Variants in ACVR1 observed in about 807,000 individuals in gnomAD.
ACVR1 encodes the protein activin A receptor type 1.
In ACVR1, 38 loss-of-function variants were observed where a neutral mutation model predicts 57.1. The ratio of observed to expected loss-of-function variants is 0.67; its 90% CI spans 0.51 to 0.87. The LOEUF (loss-of-function observed/expected upper bound fraction) is 0.87, where lower values mean the gene tolerates loss of function less well. Among genes scored for constraint, ACVR1 ranks in the 40% least tolerant of loss-of-function variants. ACVR1 has a pLI of 0.00. For missense variants in ACVR1, 463 were observed against 638.2 expected (o/e 0.73, Z 2.96); for synonymous variants, 212 against 228.1 (o/e 0.93, Z 0.63).
intron 1 of ACVR1, among the ~76,000 whole-genome samples, chr2:157,854,137 T>C (rs1019820949): frequency 6.7e-6 from 1 of 148,538 alleles, no homozygotes; most frequent in African/African-American, 2.5e-5. Context: ...GCCTAGCACA[T>C]AGTTAGTATT....
intron 3 of ACVR1, among the ~76,000 whole-genome samples, chr2:157,796,457 C>T (rs538616180): frequency 6.8e-4 from 103 of 151,868 alleles, no homozygotes; most frequent in African/African-American, 2.4e-3. Context: ...AGGAGGCTGA[C>T]GTAGGAGGAT....
Position 157,855,128 on chromosome 2 carries a change from C to T in ACVR1, c.-183+20668G>A, listed in dbSNP as rs747403609. Among the ~76,000 whole-genome samples, 31 of 151,200 alleles carry T rather than the reference C, an allele frequency of 2.1e-4. 1 individual carries two copies. Among genetic ancestry groups the T allele is most frequent in the Admixed American group, 1.4e-3 (22 of 15,196 alleles). ...TTTTAGCATTTTTCAAAAATGCCAA[C>T]GAACTGGCCAGGCACAGTGGCTGAC... is the stretch of plus-strand genomic sequence containing the variant. On this transcript the variant is annotated intron_variant, in intron 1 of 10. Transcript: ENST00000434821.
rs190408359 is a variant in ACVR1, at chr2:157,862,298, G to C, written c.-183+13498C>G. 5.3e-5 allele frequency among the ~76,000 whole-genome samples: 8 copies of C among 152,026 alleles called. No individual in the cohort carries two copies. The East Asian group carries it at 1.4e-3, about 26-fold the overall frequency. ...TATGAAAGGAATTATACTATGTTTT[G>C]AGTGTCCTGCTTTTTTCATGTAATA... is the stretch of plus-strand genomic sequence containing the variant. On this transcript the variant is annotated intron_variant, in intron 1 of 10. Coordinates refer to ENST00000434821, the MANE Select transcript of ACVR1 (RefSeq NM_001111067.4).
intron 1 of ACVR1, among the ~76,000 whole-genome samples, chr2:157,848,858 A>T (rs1385854500): frequency 2.0e-5 from 3 of 152,236 alleles, no homozygotes; most frequent in Non-Finnish European, 4.4e-5. Flanking sequence ...AGCAGCAATG[A>T]ACATGAGGGA....
In ACVR1 at chr2:157,763,977, T is replaced by C. The variant is rs565244184; in HGVS notation, c.1066+1944A>G. Among the ~76,000 whole-genome samples, 189 of 152,244 alleles carry C rather than the reference T, an allele frequency of 1.2e-3. 1 individual carries two copies. Among genetic ancestry groups the C allele is most frequent in the African/African-American group, 4.3e-3 (180 of 41,546 alleles). On this transcript the variant is annotated intron_variant, in intron 8 of 10. Transcript: ENST00000434821. ...TAATTAGCTGGACTTACTGCAAAGT[T>C]CCCCTCAACTCCTTCCCTACCAAGT...
intron 1 of ACVR1, among the ~76,000 whole-genome samples, chr2:157,844,952 C>T (rs922832407): frequency 3.3e-5 from 5 of 152,170 alleles, no homozygotes; most frequent in African/African-American, 9.6e-5. Context: ...CCTGCCCACA[C>T]CTTTATCTTT....
At chr2:157,830,722 C>T (rs1688551760) in intron 1 of ACVR1, among the ~76,000 whole-genome samples, 1 of 129,864 alleles carries the variant, frequency 7.7e-6, no homozygotes, top group South Asian at 2.8e-4. Flanking sequence ...AAGGGAGATG[C>T]TTTGTTTCAC....
intron 6 of ACVR1, among the ~76,000 whole-genome samples, chr2:157,772,163 G>A (rs191960117): frequency 7.3e-4 from 111 of 152,306 alleles, no homozygotes; most frequent in Non-Finnish European, 1.2e-3. Flanking sequence ...GTTTTCAAAT[G>A]CTTTTAAGTT....
intron 5 of ACVR1, among the ~76,000 whole-genome samples, chr2:157,775,317 A>G (rs1686239088): frequency 6.6e-6 from 1 of 152,230 alleles, no homozygotes; most frequent in Non-Finnish European, 1.5e-5. Flanking sequence ...TTCATTGATA[A>G]GGTTTTCCTT....
At chr2:157,759,229 GA>G (rs1685550954) in intron 9 of ACVR1, among the ~76,000 whole-genome samples, 1 of 151,902 alleles carries the variant, frequency 6.6e-6, no homozygotes. Context: ...AAAGAAAACT[GA>G]TAAACTGTTA....
intron 8 of ACVR1, among the ~76,000 whole-genome samples, chr2:157,762,595 G>A (rs1387450232): frequency 6.6e-6 from 1 of 152,170 alleles, no homozygotes; most frequent in Admixed American, 6.5e-5. Flanking sequence ...AGAACTTGTG[G>A]ACATATTTTA....
At chr2:157,770,292 C>T in intron 7 of ACVR1, 76 bp downstream of exon 7, 1 of 1,556,882 alleles carries the variant, frequency 6.4e-7, no homozygotes, top group Non-Finnish European at 8.8e-7. Flanking sequence ...TTCACATTCA[C>T]CAAAACGGAG....
chr2:157,809,769 G>T (rs1186871433), intron 2 of ACVR1, among the ~76,000 whole-genome samples: 1 of 152,082 alleles, frequency 6.6e-6, no homozygotes, highest in Non-Finnish European at 1.5e-5. Context: ...TTATGAATTT[G>T]ATCTGTTATT....
chr2:157,865,607 C>G (rs573535282), intron 1 of ACVR1, among the ~76,000 whole-genome samples: 1 of 152,052 alleles, frequency 6.6e-6, no homozygotes. Flanking sequence ...GCCTGGCCAA[C>G]ATGGAGAAAC....
At chr2:157,857,725 C>T (rs1011711417) in intron 1 of ACVR1, among the ~76,000 whole-genome samples, 7 of 152,060 alleles carry the variant, frequency 4.6e-5, no homozygotes, top group Admixed American at 1.3e-4. Flanking sequence ...TTGTCAGCAC[C>T]GTAAGAAATC....
At chr2:157,765,495 A>G (rs920893854) in intron 8 of ACVR1, among the ~76,000 whole-genome samples, 3 of 152,214 alleles carry the variant, frequency 2.0e-5, no homozygotes, top group Non-Finnish European at 4.4e-5. Context: ...GTATCTCGAC[A>G]GGGATTTGGG....
chr2:157,863,011 C>A (rs980275825), intron 1 of ACVR1, among the ~76,000 whole-genome samples: 8 of 62,290 alleles, frequency 1.3e-4, no homozygotes, highest in Non-Finnish European at 1.9e-4. Flanking sequence ...AGAACATTTA[C>A]TTTTTTTTTT....
chr2:157,807,917 T>TCTCTCTCTCTCTCTCTCC (rs1263779689), intron 2 of ACVR1, among the ~76,000 whole-genome samples: 1 of 145,100 alleles, frequency 6.9e-6, no homozygotes, highest in South Asian at 2.2e-4. Context: ...TTTCTCTCTT[T>TCTCTCTCTCTCTCTCTCC]CTCTCTCTCT....
intron 2 of ACVR1, among the ~76,000 whole-genome samples, chr2:157,816,431 A>C (rs1481869746): frequency 1.4e-5 from 2 of 138,930 alleles, no homozygotes; most frequent in African/African-American, 6.9e-5. Context: ...AAAAAAAAAC[A>C]AACGACAAAA....
Sources: allele counts gnomAD v4.1 joint callset (sites outside exome capture counted in the v4.1 genomes callset), GRCh38; gene constraint gnomAD v4.1.1; transcripts MANE v1.5; gene names NCBI Gene and HGNC (gene_info 2026-07-23, HGNC 2026-07-21).